Variants in SEC63 observed in about 807,000 individuals in gnomAD.
The protein encoded by SEC63 is SEC63 protein translocation regulator.
In SEC63, 56 loss-of-function variants were observed where a neutral mutation model predicts 116.2. The ratio of observed to expected loss-of-function variants is 0.48; its 90% CI spans 0.39 to 0.60. The LOEUF (loss-of-function observed/expected upper bound fraction) is 0.60, where lower values mean the gene tolerates loss of function less well. Ranked by LOEUF, SEC63 falls within the 20% of genes least tolerant of loss-of-function variation. SEC63 has a pLI of 0.00. For missense variants in SEC63, 668 were observed against 900.0 expected, an observed-to-expected ratio of 0.74 and a Z score of 3.30; for synonymous variants, 273 against 294.6, an observed-to-expected ratio of 0.93 and a Z score of 0.75.
At chr6:107,955,458 G>C (rs796754437) in intron 1 of SEC63, among the ~76,000 whole-genome samples, 7 of 152,086 alleles carry the variant, frequency 4.6e-5, no homozygotes, top group African/African-American at 1.7e-4. Flanking sequence ...CACCATGCCC[G>C]GCCAACCTCA....
chr6:107,912,903 A>C, intron 5 of SEC63, 129 bp from the exon 6 acceptor site: 1 of 746,862 alleles, frequency 1.3e-6, no homozygotes, highest in Non-Finnish European at 2.3e-6. Context: ...ACTTTGAGAA[A>C]GATTATCTTA....
At chr6:107,884,512 C>T (rs549570324) in intron 16 of SEC63, among the ~76,000 whole-genome samples, 2 of 151,906 alleles carry the variant, frequency 1.3e-5, no homozygotes, top group East Asian at 3.9e-4. Context: ...ACATAATTTG[C>T]TAAAATCAAT....
chr6:107,873,434 A>G (rs1786180840), intron 19 of SEC63, among the ~76,000 whole-genome samples: 1 of 152,196 alleles, frequency 6.6e-6, no homozygotes, highest in African/African-American at 2.4e-5. Flanking sequence ...CAAAAGAACA[A>G]TTTTTTAAAA....
intron 4 of SEC63, among the ~76,000 whole-genome samples, chr6:107,919,372 T>G (rs1323928269): frequency 6.6e-6 from 1 of 152,228 alleles, no homozygotes; most frequent in Admixed American, 6.5e-5. Flanking sequence ...ACAGATGAGT[T>G]GCTTCTTATA....
At chr6:107,910,550 T>C (rs1787253908) in intron 7 of SEC63, among the ~76,000 whole-genome samples, 1 of 152,186 alleles carries the variant, frequency 6.6e-6, no homozygotes, top group African/African-American at 2.4e-5. Flanking sequence ...CATATATACA[T>C]ATATGCATGT....
rs759753301 is a variant in SEC63, at chr6:107,869,286, CTCAA to C, written c.*2414_*2417del. ...GATTGAGATATTAACACCTCAGGGC[CTCAA>C]TCAAATATTATAATGCTAAAATACA... On this transcript the variant is annotated 3_prime_UTR_variant, in exon 21 of 21. Coordinates refer to ENST00000369002, the MANE Select transcript of SEC63 (RefSeq NM_007214.5). 1 of 152,232 alleles carries C rather than the reference CTCAA, an allele frequency of 6.6e-6. No homozygotes were observed. Among genetic ancestry groups the C allele is most frequent in the Non-Finnish European group, 1.5e-5 (1 of 68,024 alleles). The allele number at this position is 152,232 out of a possible 1,614,324, so 9.4% of individuals were successfully genotyped here. A position where few individuals can be genotyped will look rare whatever the true frequency, so the allele number is the denominator to read the frequency against.
At chr6:107,893,704 T>C (rs765783992) in intron 15 of SEC63, 49 bp from the exon 16 acceptor site, 19 of 1,608,888 alleles carry the variant, frequency 1.2e-5, no homozygotes, top group Admixed American at 1.2e-4. Flanking sequence ...ACAGATTCAA[T>C]TGAAGGTTGT....
rs1770404455 is a variant in SEC63 at position 107,942,743 on chromosome 6, T to A, written c.125-13229A>T. ...CCTTATGGATAACATACACAGTTGA[T>A]TAACACATATTTTGTGTATGTATTA... is the stretch of plus-strand genomic sequence containing the variant. On this transcript the variant is annotated intron_variant, in intron 1 of 20. Transcript: ENST00000369002. Among the ~76,000 whole-genome samples the A allele has an allele frequency of 2.6e-5, 4 of 152,130 alleles. No homozygotes were observed. In the South Asian group the frequency reaches 8.3e-4, roughly 31 times the overall value.
intron 1 of SEC63, among the ~76,000 whole-genome samples, chr6:107,942,782 T>TA (rs1291286258): frequency 6.6e-6 from 1 of 152,134 alleles, no homozygotes; most frequent in African/African-American, 2.4e-5. Context: ...ACTGCATGCT[T>TA]ACAATAAAGC....
rs76597945 is a variant in SEC63, at chr6:107,873,198, A to G, written c.2035-286T>C. Among the ~76,000 whole-genome samples the G allele has an allele frequency of 7.9e-3, 1,199 of 152,314 alleles. 20 individuals carry two copies. The highest frequency in any genetic ancestry group is 0.025 in the African/African-American group (1,029 of 41,570). ...GCAGTACTTAAAGCAACCAAATTCT[A>G]TGCTATCATCTTGAAGAAATTAAGC... On this transcript the variant is annotated intron_variant, in intron 19 of 20. Coordinates refer to ENST00000369002, the MANE Select transcript of SEC63 (RefSeq NM_007214.5).
intron 2 of SEC63, among the ~76,000 whole-genome samples, chr6:107,927,172 C>T (rs534417720): frequency 8.5e-5 from 13 of 152,292 alleles, no homozygotes; most frequent in African/African-American, 3.1e-4. Flanking sequence ...AAGCAATTCT[C>T]CTGCCTCAGC....
chr6:107,914,464 T>C (rs1203469980), intron 4 of SEC63, among the ~76,000 whole-genome samples: 2 of 152,186 alleles, frequency 1.3e-5, no homozygotes, highest in African/African-American at 2.4e-5. Flanking sequence ...AGGACATTCA[T>C]TAGTTTTCGA....
intron 19 of SEC63, among the ~76,000 whole-genome samples, chr6:107,874,165 T>A (rs1786197131): frequency 6.6e-6 from 1 of 152,042 alleles, no homozygotes; most frequent in Non-Finnish European, 1.5e-5. Context: ...AAGAACTACA[T>A]CACCAACATA....
chr6:107,885,328 G>A (rs1786503009), intron 16 of SEC63, among the ~76,000 whole-genome samples: 1 of 152,096 alleles, frequency 6.6e-6, no homozygotes, highest in South Asian at 2.1e-4. Flanking sequence ...TTGATACAAG[G>A]TCAATATTTA....
chr6:107,897,194 T>C (rs982191476), intron 14 of SEC63, among the ~76,000 whole-genome samples: 1 of 152,228 alleles, frequency 6.6e-6, no homozygotes, highest in Non-Finnish European at 1.5e-5. Flanking sequence ...TTTGTTCCTA[T>C]ACTTTTCTGC....
chr6:107,903,077 A>C (rs752632660), intron 11 of SEC63, 79 bp from the exon 12 acceptor site: 1 of 1,421,556 alleles, frequency 7.0e-7, no homozygotes, highest in Non-Finnish European at 9.9e-7. Context: ...ACAAAAACAA[A>C]ATTCACACTA....
intron 14 of SEC63, among the ~76,000 whole-genome samples, chr6:107,895,896 G>A (rs1041565276): frequency 2.6e-5 from 4 of 151,248 alleles, no homozygotes; most frequent in African/African-American, 9.7e-5. Flanking sequence ...CAGGCATGGT[G>A]GCTCATGCCT....
chr6:107,899,896 A>G (rs1381376518), intron 13 of SEC63, among the ~76,000 whole-genome samples: 1 of 152,186 alleles, frequency 6.6e-6, no homozygotes, highest in African/African-American at 2.4e-5. Context: ...CCACAAGGCA[A>G]CCCCAACTCC....
At chr6:107,896,660 C>T (rs1222085530) in intron 14 of SEC63, among the ~76,000 whole-genome samples, 1 of 152,066 alleles carries the variant, frequency 6.6e-6, no homozygotes, top group Non-Finnish European at 1.5e-5. Context: ...TCATTTGAGG[C>T]TGACAAGGGG....
Sources: allele counts gnomAD v4.1 joint callset (sites outside exome capture counted in the v4.1 genomes callset), GRCh38; gene constraint gnomAD v4.1.1; transcripts MANE v1.5; gene names NCBI Gene and HGNC (gene_info 2026-07-23, HGNC 2026-07-21).